Variants in ANKS1B observed in about 807,000 individuals in gnomAD.
ANKS1B encodes ankyrin repeat and sterile alpha motif domain-containing protein 1B.
A neutral mutation model predicts 148.3 loss-of-function variants in ANKS1B; 36 were observed. That is an observed-to-expected ratio of 0.24 (90% CI 0.19 to 0.32). ANKS1B has a LOEUF of 0.32. Ranked by LOEUF, ANKS1B falls within the 10% of genes least tolerant of loss-of-function variation. The probability of loss-of-function intolerance (pLI) is 1.00; values close to 1 mark genes in which losing one functional copy is unlikely to be tolerated. For synonymous variants in ANKS1B, 542 were observed against 560.8 expected, an observed-to-expected ratio of 0.97 and a Z score of 0.47; for missense variants, 1,157 against 1,542.6, an observed-to-expected ratio of 0.75 and a Z score of 4.19.
intron 14 of ANKS1B, among the ~76,000 whole-genome samples, chr12:99,172,153 A>G (rs908132242): frequency 2.0e-5 from 3 of 152,144 alleles, no homozygotes; most frequent in Non-Finnish European, 2.9e-5. Flanking sequence ...ATGTTTGAGG[A>G]ACTACAAATG....
intron 12 of ANKS1B, among the ~76,000 whole-genome samples, chr12:99,281,154 C>A (rs1174509580): frequency 6.6e-6 from 1 of 152,118 alleles, no homozygotes; most frequent in Non-Finnish European, 1.5e-5. Flanking sequence ...AAGAAGAGAG[C>A]TGCCTAGTCT....
In ANKS1B at chr12:99,690,000, C is replaced by A. The variant is rs550266473; in HGVS notation, c.1129-34790G>T. 9.9e-5 allele frequency among the ~76,000 whole-genome samples: 15 copies of A among 152,236 alleles called. 1 individual carries two copies. The South Asian group carries it at 3.1e-3, about 32-fold the overall frequency. ...AAAGAGGTTTAATTGCCTCACAGTT[C>A]CCCATTGCTAGGGAGGCCTCAGGAA... On this transcript the variant is annotated intron_variant, in intron 8 of 26. Coordinates refer to ENST00000683438, the MANE Select transcript of ANKS1B (RefSeq NM_001352186.2).
intron 1 of ANKS1B, among the ~76,000 whole-genome samples, chr12:99,959,565 ATATT>A (rs923034325): frequency 6.6e-6 from 1 of 152,222 alleles, no homozygotes; most frequent in African/African-American, 2.4e-5. Flanking sequence ...TAAGTATTGT[ATATT>A]TATTTGTCTA....
At chr12:99,766,590 AT>A (rs1306973155) in intron 8 of ANKS1B, among the ~76,000 whole-genome samples, 1 of 152,108 alleles carries the variant, frequency 6.6e-6, no homozygotes, top group Non-Finnish European at 1.5e-5. Flanking sequence ...ACATTCCCTA[AT>A]TCTTGCAAAA....
intron 17 of ANKS1B, among the ~76,000 whole-genome samples, chr12:98,832,496 C>T (rs943959279): frequency 6.6e-6 from 1 of 152,038 alleles, no homozygotes; most frequent in African/African-American, 2.4e-5. Context: ...ACAGGCTGCC[C>T]TCTGTCTCTT....
chr12:99,193,386 G>A (rs1278440911), intron 14 of ANKS1B, among the ~76,000 whole-genome samples: 3 of 152,108 alleles, frequency 2.0e-5, no homozygotes, highest in Non-Finnish European at 4.4e-5. Flanking sequence ...AGAAAAATCT[G>A]AACAAAGAGG....
chr12:99,191,345 G>T (rs1413454642), intron 14 of ANKS1B, among the ~76,000 whole-genome samples: 1 of 152,160 alleles, frequency 6.6e-6, no homozygotes, highest in Non-Finnish European at 1.5e-5. Context: ...CCATTACTGG[G>T]TACATACCCA....
At chr12:99,065,888 T>C (rs2044129954) in intron 16 of ANKS1B, among the ~76,000 whole-genome samples, 1 of 152,106 alleles carries the variant, frequency 6.6e-6, no homozygotes, top group Admixed American at 6.6e-5. Flanking sequence ...AGGTGATAAG[T>C]GCTGTGAAAA....
chr12:99,912,196 T>C (rs993803438), intron 1 of ANKS1B, among the ~76,000 whole-genome samples: 7 of 152,176 alleles, frequency 4.6e-5, no homozygotes, highest in Non-Finnish European at 1.0e-4. Flanking sequence ...ATTGGCAGTG[T>C]CTGGTAAAGA....
At chr12:99,076,872 C>T (rs972719344) in intron 16 of ANKS1B, among the ~76,000 whole-genome samples, 1 of 152,038 alleles carries the variant, frequency 6.6e-6, no homozygotes, top group Non-Finnish European at 1.5e-5. Flanking sequence ...CACACTCATT[C>T]ATTTCTGAAT....
chr12:99,592,777 GC>G (rs2097716135), intron 9 of ANKS1B, among the ~76,000 whole-genome samples: 1 of 152,132 alleles, frequency 6.6e-6, no homozygotes, highest in South Asian at 2.1e-4. Flanking sequence ...GAGAACATGT[GC>G]CCAAGGTGCT....
intron 17 of ANKS1B, among the ~76,000 whole-genome samples, chr12:98,966,966 C>A (rs2153182917): frequency 6.6e-6 from 1 of 151,994 alleles, no homozygotes; most frequent in African/African-American, 2.4e-5. Flanking sequence ...TGTAGCACAC[C>A]AACATGGCAC....
intron 23 of ANKS1B, chr12:98,781,428 C>T (rs2098735152): frequency 8.0e-6 from 5 of 621,192 alleles, no homozygotes; most frequent in Admixed American, 2.1e-5. Flanking sequence ...TAAAGTTATC[C>T]GTCTTGCCCT....
At chr12:99,316,370 G>C (rs896811316) in intron 12 of ANKS1B, among the ~76,000 whole-genome samples, 1 of 152,146 alleles carries the variant, frequency 6.6e-6, no homozygotes, top group Non-Finnish European at 1.5e-5. Flanking sequence ...ATTTTAACTG[G>C]TGTGAGATGG....
chr12:99,689,706 A>G (rs1385990080), intron 8 of ANKS1B, among the ~76,000 whole-genome samples: 1 of 152,178 alleles, frequency 6.6e-6, no homozygotes, highest in Non-Finnish European at 1.5e-5. Context: ...TGAGACAGCC[A>G]TGTGGCTAGA....
At chr12:99,759,295 C>A (rs548379008) in intron 8 of ANKS1B, among the ~76,000 whole-genome samples, 1 of 151,948 alleles carries the variant, frequency 6.6e-6, no homozygotes, top group East Asian at 1.9e-4. Context: ...AAAATCTAAG[C>A]CTGAGATTGA....
At chr12:99,075,364 TC>T (rs1170760199) in intron 16 of ANKS1B, among the ~76,000 whole-genome samples, 1 of 152,124 alleles carries the variant, frequency 6.6e-6, no homozygotes, top group African/African-American at 2.4e-5. Flanking sequence ...GAAGCCAGGG[TC>T]CCTGAATTAC....
intron 17 of ANKS1B, among the ~76,000 whole-genome samples, chr12:98,900,897 T>C (rs1296229498): frequency 1.3e-5 from 2 of 152,228 alleles, no homozygotes; most frequent in African/African-American, 2.4e-5. Context: ...AACTCTAATT[T>C]ATCCTTATGG....
At chr12:99,612,629 T>G (rs373863011) in intron 9 of ANKS1B, among the ~76,000 whole-genome samples, 1 of 152,118 alleles carries the variant, frequency 6.6e-6, no homozygotes, top group Non-Finnish European at 1.5e-5. Context: ...TTCATTATGC[T>G]TATTTAACTT....
Sources: allele counts gnomAD v4.1 joint callset (sites outside exome capture counted in the v4.1 genomes callset), GRCh38; gene constraint gnomAD v4.1.1; transcripts MANE v1.5; gene names NCBI Gene and HGNC (gene_info 2026-07-23, HGNC 2026-07-21).